Variants in APBA1 observed in about 807,000 individuals in gnomAD.
The protein encoded by APBA1 is amyloid beta precursor protein binding family A member 1, also known as amyloid-beta A4 precursor protein-binding family A member 1.
APBA1 carries 55 observed loss-of-function variants against 86.6 expected under a neutral mutation model. The ratio of observed to expected loss-of-function variants is 0.64; its 90% CI spans 0.51 to 0.80. The LOEUF is 0.80. Ranked by LOEUF, APBA1 falls within the 30% of genes least tolerant of loss-of-function variation. APBA1 has a pLI of 0.00. For synonymous variants in APBA1, 511 were observed against 493.9 expected (o/e 1.03, Z -0.46); for missense variants, 1,090 against 1,183.0 (o/e 0.92, Z 1.15).
intron 1 of APBA1, among the ~76,000 whole-genome samples, chr9:69,580,955 G>T (rs905772273): frequency 2.6e-5 from 4 of 152,034 alleles, no homozygotes; most frequent in African/African-American, 9.7e-5. Context: ...TTCTGACCTG[G>T]ATCCATCTTT....
chr9:69,444,687 G>A (rs1379093632), intron 10 of APBA1, among the ~76,000 whole-genome samples: 2 of 152,166 alleles, frequency 1.3e-5, no homozygotes, highest in African/African-American at 4.8e-5. Flanking sequence ...CTTCTTTTGT[G>A]GGGCTAGGAG....
intron 2 of APBA1, among the ~76,000 whole-genome samples, chr9:69,502,926 C>T (rs542585135): frequency 3.2e-4 from 49 of 152,204 alleles, no homozygotes; most frequent in African/African-American, 1.2e-3. Flanking sequence ...TGTAAATTCA[C>T]TTACCAATTA....
chr9:69,436,343 G>A lies in APBA1; in HGVS notation c.2302-3667C>T, dbSNP rs536226768. The stretch of plus-strand genomic sequence containing the variant: ...AGTCATTGGTAGCTTGATGGGGATG[G>A]CATTGAATCTATAAATTACCTTGGG... On this transcript the variant is annotated intron_variant, in intron 11 of 12. Transcript: ENST00000265381. 4.7e-5 allele frequency among the ~76,000 whole-genome samples: 7 copies of A among 150,110 alleles called. No individual in the cohort carries two copies. In the East Asian group the frequency reaches 1.4e-3, roughly 29 times the overall value.
intron 2 of APBA1, among the ~76,000 whole-genome samples, chr9:69,485,378 G>T (rs1257232680): frequency 6.6e-6 from 1 of 151,856 alleles, no homozygotes; most frequent in Non-Finnish European, 1.5e-5. Context: ...TGTCCATTAC[G>T]TCCAACTTCC....
chr9:69,532,459 T>C (rs1836448848), intron 1 of APBA1, among the ~76,000 whole-genome samples: 1 of 152,194 alleles, frequency 6.6e-6, no homozygotes, highest in South Asian at 2.1e-4. Flanking sequence ...CCCGACCACC[T>C]GGCACAAATA....
chr9:69,636,867 GAGAGAAAGAAAGAA>G (rs1823178966), intron 1 of APBA1, among the ~76,000 whole-genome samples: 1 of 105,362 alleles, frequency 9.5e-6, no homozygotes. Context: ...GAGGGAGGGA[GAGAGAAAGAAAGAA>G]GGAAGGAAAG....
At chr9:69,449,871 C>T (rs964293867) in intron 9 of APBA1, 75 bp from the exon 10 acceptor site, 8 of 1,351,940 alleles carry the variant, frequency 5.9e-6, no homozygotes, top group African/African-American at 5.8e-5. Flanking sequence ...GCCTCTCCCC[C>T]ATTCCTGTCT....
chr9:69,502,961 G>A (rs1013377426), intron 2 of APBA1, among the ~76,000 whole-genome samples: 2 of 152,096 alleles, frequency 1.3e-5, no homozygotes, highest in African/African-American at 4.8e-5. Context: ...AAGTAGTACA[G>A]CCCCGGCCTT....
At chr9:69,467,752 G>T in intron 5 of APBA1, 71 bp downstream of exon 5, 1 of 1,567,270 alleles carries the variant, frequency 6.4e-7, no homozygotes, top group South Asian at 1.1e-5. Flanking sequence ...TGGAGTTGTG[G>T]CCAGTGTTGT....
chr9:69,626,330 T>C (rs1822928556), intron 1 of APBA1, among the ~76,000 whole-genome samples: 1 of 152,078 alleles, frequency 6.6e-6, no homozygotes, highest in Non-Finnish European at 1.5e-5. Context: ...TGTTGTTTGT[T>C]TGTTTGTTTG....
At chr9:69,638,381 C>T (rs530400641) in intron 1 of APBA1, among the ~76,000 whole-genome samples, 103 of 152,308 alleles carry the variant, frequency 6.8e-4, no homozygotes, top group Admixed American at 1.9e-3. Flanking sequence ...GCTGGGATTA[C>T]AGGCATGCGC....
chr9:69,485,641 G>A (rs1835596655), intron 2 of APBA1, among the ~76,000 whole-genome samples: 1 of 152,060 alleles, frequency 6.6e-6, no homozygotes, highest in Non-Finnish European at 1.5e-5. Flanking sequence ...AAAGGTAAGG[G>A]CTGAACCCGG....
At chr9:69,452,365 GC>G (rs2133809921) in intron 8 of APBA1, 64 bp from the exon 9 acceptor site, 2 of 1,515,562 alleles carry the variant, frequency 1.3e-6, no homozygotes, top group Non-Finnish European at 1.8e-6. Context: ...GCGGCCTGGC[GC>G]ACTTCCCACC....
intron 1 of APBA1, among the ~76,000 whole-genome samples, chr9:69,652,442 G>A (rs1206263534): frequency 6.6e-6 from 1 of 152,170 alleles, no homozygotes; most frequent in African/African-American, 2.4e-5. Context: ...AAGTGTGTGT[G>A]TGTTTCCTCT....
intron 1 of APBA1, among the ~76,000 whole-genome samples, chr9:69,658,228 CTTTCTT>C (rs1564104712): frequency 0.019 from 283 of 15,116 alleles, no homozygotes; most frequent in African/African-American, 0.025. Flanking sequence ...TTCTCTCTTT[CTTTCTT>C]TCTTTCTTTC....
intron 1 of APBA1, among the ~76,000 whole-genome samples, chr9:69,573,862 G>T (rs904164547): frequency 6.6e-6 from 1 of 152,176 alleles, no homozygotes; most frequent in Non-Finnish European, 1.5e-5. Flanking sequence ...TGTGAAATGG[G>T]AGTTCCTGAA....
Position 69,662,545 on chromosome 9 carries a change from G to C in APBA1, c.-70+9608C>G, listed in dbSNP as rs1205833851. Among the ~76,000 whole-genome samples the C allele has an allele frequency of 5.3e-5, 8 of 152,182 alleles. No individual in the cohort carries two copies. In the East Asian group the frequency reaches 1.5e-3, roughly 29 times the overall value. ...CATTTCATCTGTAGAACAAATTCTA[G>C]CTCCTTTAGGAGAGAACTCTTCCAG... is the stretch of plus-strand genomic sequence containing the variant. On this transcript the variant is annotated intron_variant, in intron 1 of 12. Coordinates refer to ENST00000265381, the MANE Select transcript of APBA1 (RefSeq NM_001163.4).
chr9:69,574,832 C>G (rs1307524928), intron 1 of APBA1, among the ~76,000 whole-genome samples: 2 of 152,122 alleles, frequency 1.3e-5, no homozygotes, highest in African/African-American at 4.8e-5. Context: ...AGGAGGGAAG[C>G]CAAGTCAGGG....
chr9:69,585,117 T>C (rs1377289982), intron 1 of APBA1, among the ~76,000 whole-genome samples: 2 of 152,208 alleles, frequency 1.3e-5, no homozygotes, highest in South Asian at 2.1e-4. Flanking sequence ...ACAAAGGCCC[T>C]GCCCTTGGGG....
Sources: gnomAD v4.1 joint callset for allele counts (sites outside exome capture counted in the v4.1 genomes callset) on GRCh38, gnomAD v4.1.1 for gene constraint, MANE v1.5 for transcripts, NCBI Gene and HGNC (gene_info 2026-07-23, HGNC 2026-07-21) for gene names.